NOBOX: variants seen among roughly 807,000 people sequenced by gnomAD.
NOBOX encodes the protein NOBOX oogenesis homeobox, also known as homeobox protein NOBOX.
NOBOX carries 46 observed loss-of-function variants against 60.2 expected under a neutral mutation model. The ratio of observed to expected loss-of-function variants is 0.76; its 90% CI spans 0.60 to 0.98. The LOEUF (loss-of-function observed/expected upper bound fraction) is 0.98, where lower values mean the gene tolerates loss of function less well. NOBOX is among the 50% of genes least tolerant of loss of function. The pLI is 0.00. For synonymous variants in NOBOX, 360 were observed against 346.3 expected (o/e 1.04, Z -0.44); for missense variants, 880 against 865.5 (o/e 1.02, Z -0.21).
chr7:144,399,642 G>A, intron 6 of NOBOX, 115 bp downstream of exon 4: 1 of 1,150,148 alleles, frequency 8.7e-7, no homozygotes, highest in Non-Finnish European at 1.3e-6. Context: ...ATCTTAGCTG[G>A]CAACCCTAGG....
intron 1 of NOBOX, among the ~76,000 whole-genome samples, chr7:144,407,623 A>C (rs183205190): frequency 5.9e-5 from 9 of 152,316 alleles, no homozygotes; most frequent in Admixed American, 3.9e-4. Flanking sequence ...GGAAAAAGTG[A>C]ATGGTCCCAG....
At chr7:144,403,927 G>A (rs939117366) in intron 2 of NOBOX, among the ~76,000 whole-genome samples, 1 of 152,002 alleles carries the variant, frequency 6.6e-6, no homozygotes, top group Non-Finnish European at 1.5e-5. Context: ...CGCCTGCTCC[G>A]CTCCCCCCAG....
rs796621286 is a variant in NOBOX, at chr7:144,403,793, G to A, written c.210+763C>T. ...GTGTGCAGCCCGCACGGGCCGGGCC[G>A]GGCCGGGGGAGCCGTAGCCCGAGGC... On this transcript the variant is annotated intron_variant, in intron 2 of 9. Transcript: ENST00000467773. The A allele has an allele frequency of 1.3e-4, 63 of 492,360 alleles. 1 individual carries two copies. The highest frequency in any genetic ancestry group is 7.1e-4 in the South Asian group (30 of 42,140). 30.5% of individuals were successfully genotyped at this position (492,360 alleles called of 1,614,324 possible). A position where few individuals can be genotyped will look rare whatever the true frequency, so the allele number is the denominator to read the frequency against.
chr7:144,398,670 C>T (rs987316031), intron 8 of NOBOX, 84 bp from the exon 7 acceptor site: 48 of 970,392 alleles, frequency 4.9e-5, no homozygotes, highest in Admixed American at 2.3e-4. Flanking sequence ...CCCTACCTCT[C>T]GCCTCCTCCT....
chr7:144,401,557 C>T lies in NOBOX; in HGVS notation c.333G>A (p.Gly111=). The change falls in exon 4 of 10, where the codon GGG becomes GGA. Residue 111 remains glycine (G), a synonymous_variant. Transcript: ENST00000467773. The surrounding 1 kb of genome is among the most constrained non-coding windows in gnomAD (Gnocchi z 4.2). ...CTGAGCCCCGGAGCAGTTCCTCCTC[C>T]CCGGGTCCTGCAGCCAGGGGCTTCT... 6.6e-7 allele frequency: 1 copy of T among 1,511,958 alleles called. No homozygotes were observed. Among genetic ancestry groups the T allele is most frequent in the Non-Finnish European group, 8.8e-7 (1 of 1,136,212 alleles). 93.7% of individuals were successfully genotyped at this position (1,511,958 alleles called of 1,614,324 possible). A position where few individuals can be genotyped will look rare whatever the true frequency, so the allele number is the denominator to read the frequency against.
intron 9 of NOBOX, 60 bp from the exon 8 acceptor site, chr7:144,397,601 A>G: frequency 7.3e-7 from 1 of 1,370,070 alleles, no homozygotes; most frequent in Non-Finnish European, 9.7e-7. Context: ...ACTATCATTA[A>G]CAGTGTTCTA....
At chr7:144,402,735 C>G (rs1040686790) in intron 2 of NOBOX, among the ~76,000 whole-genome samples, 25 of 142,044 alleles carry the variant, frequency 1.8e-4, no homozygotes, top group African/African-American at 6.5e-4. Flanking sequence ...TGAGATAGGT[C>G]TTAAGGAATA....
chr7:144,406,430 C>T (rs139791411), intron 1 of NOBOX, among the ~76,000 whole-genome samples: 203 of 152,078 alleles, frequency 1.3e-3, no homozygotes, highest in African/African-American at 4.7e-3. Flanking sequence ...TGGTGGCACA[C>T]GCCTGTAATC....
intron 2 of NOBOX, chr7:144,404,406 C>A: frequency 1.5e-6 from 1 of 673,142 alleles, no homozygotes; most frequent in Non-Finnish European, 2.5e-6. Context: ...CGCCACCACG[C>A]CCGGCTAATT....
intron 1 of NOBOX, among the ~76,000 whole-genome samples, chr7:144,406,134 T>C (rs1268167088): frequency 6.6e-6 from 1 of 152,240 alleles, no homozygotes; most frequent in East Asian, 1.9e-4. Context: ...GGCTCCCCTC[T>C]GCCAGGGTGA....
At position 144,410,200 on chromosome 7, in the gene NOBOX, G is replaced by A; in HGVS notation, c.28C>T (p.Pro10Ser). The change falls in exon 1 of 10, where the codon CCA (proline) becomes TCA (serine). Residue 10 changes from proline (P) to serine (S), a missense_variant. By Grantham distance (74) the Pro-to-Ser change is moderately conservative. Transcript: ENST00000467773. ...GTGTCCCAGGTACCCTCCAGGTCTG[G>A]TGATGTTAGTGTCAAAAGGAGAGCC... 6.4e-7 allele frequency: 1 copy of A among 1,568,962 alleles called. No individual in the cohort carries two copies. The highest frequency in any genetic ancestry group is 8.7e-7 in the Non-Finnish European group (1 of 1,155,460).
rs115206969 is a variant in NOBOX at position 144,404,635 on chromosome 7, C to A, written c.131G>T (p.Arg44Leu). Residue 44 changes from arginine (R) to leucine (L), a missense_variant, in exon 2 of 10, where the codon CGG becomes CTG. Transcript: ENST00000467773. ...GAAAGAGCCACAGACTCCGTAGATC[C>A]GGTACAGTCCACACACAGGAAATTC... 1,557 of 1,613,898 alleles carry A rather than the reference C, an allele frequency of 9.6e-4. 12 individuals are homozygous for A. The African/African-American group carries it at 0.017, about 17-fold the overall frequency.
At position 144,401,877 on chromosome 7, in the gene NOBOX, A is replaced by G. The variant is rs1046202470; in HGVS notation, c.284T>C (p.Leu95Pro). The G allele has an allele frequency of 6.2e-7, 1 of 1,605,174 alleles. No homozygotes were observed. Among genetic ancestry groups the G allele is most frequent in the Non-Finnish European group, 8.5e-7 (1 of 1,172,010 alleles). ...AATTTGGGGGTACTCACCCCTTGTGAGTTCCCTTTTCCCAGACACCAGGGG... is the reference window on the plus strand; with the variant it reads ...AATTTGGGGGTACTCACCCCTTGTGGGTTCCCTTTTCCCAGACACCAGGGG... The change falls in exon 3 of 10, where the codon CTC becomes CCC. Residue 95 changes from leucine (L) to proline (P), a missense_variant. Coordinates refer to ENST00000467773, the MANE Select transcript of NOBOX (RefSeq NM_001080413.3). This position sits in a 1 kb window ranked among gnomAD's most constrained non-coding sequence, Gnocchi z 4.2.
At chr7:144,406,577 T>A (rs998663872) in intron 1 of NOBOX, among the ~76,000 whole-genome samples, 3 of 135,104 alleles carry the variant, frequency 2.2e-5, no homozygotes, top group African/African-American at 5.5e-5. Context: ...AAAAAAAAAA[T>A]TGGCATTTTT....
At chr7:144,403,154 A>C (rs2053955315) in intron 2 of NOBOX, among the ~76,000 whole-genome samples, 1 of 152,196 alleles carries the variant, frequency 6.6e-6, no homozygotes, top group Admixed American at 6.5e-5. Context: ...CCCGACTTGC[A>C]TGAGAGGGTC....
rs1350467993 is a variant in NOBOX at position 144,399,039 on chromosome 7, G to A, written c.1380C>T (p.Val460=). The A allele has an allele frequency of 3.7e-6, 6 of 1,600,188 alleles. No individual in the cohort carries two copies. The South Asian group carries it at 6.8e-5, about 18-fold the overall frequency. The change falls in exon 8 of 10, where the codon GTC becomes GTT. Residue 460 remains valine, a synonymous_variant. Coordinates refer to ENST00000467773, the MANE Select transcript of NOBOX (RefSeq NM_001080413.3). ...GCAGTGGCATCAGTTGGGGGGTGTG[G>A]ACAGGGCCAAGGGGGAAAGGAAGAT...
At chr7:144,404,141 C>A (rs1257839062) in intron 2 of NOBOX, among the ~76,000 whole-genome samples, 1 of 152,202 alleles carries the variant, frequency 6.6e-6, no homozygotes, top group Non-Finnish European at 1.5e-5. Context: ...CTGTGGAAGG[C>A]GATTTCTAGA....
intron 1 of NOBOX, among the ~76,000 whole-genome samples, chr7:144,409,193 G>A (rs1020337842): frequency 6.6e-6 from 1 of 152,104 alleles, no homozygotes; most frequent in African/African-American, 2.4e-5. Context: ...ATTAACTTTT[G>A]CTTAATAGTA....
rs1296629705 is a variant in NOBOX, at chr7:144,398,423, T to G, written c.1633A>C (p.Met545Leu). Residue 545 changes from methionine (M) to leucine (L), a missense_variant, in exon 9 of 10, where the codon ATG (methionine) becomes CTG (leucine). Transcript: ENST00000467773. ...GGTGGAAGCGTCAGTGAACTGGGCA[T>G]GGAGAAGGGGAAAGTGGGGAGGTAG... is the stretch of plus-strand genomic sequence containing the variant. 6.5e-7 allele frequency: 1 copy of G among 1,536,970 alleles called. No individual in the cohort carries two copies. Among genetic ancestry groups the G allele is most frequent in the Non-Finnish European group, 8.7e-7 (1 of 1,146,884 alleles).
Sources: allele counts gnomAD v4.1 joint callset (sites outside exome capture counted in the v4.1 genomes callset), GRCh38; gene constraint gnomAD v4.1.1; non-coding constraint Gnocchi (gnomAD v3.1); transcripts MANE v1.5; gene names NCBI Gene and HGNC (gene_info 2026-07-23, HGNC 2026-07-21).